MPPED2: variants seen among roughly 807,000 people sequenced by gnomAD.
MPPED2 encodes the protein metallophosphoesterase MPPED2.
A neutral mutation model predicts 33.0 loss-of-function variants in MPPED2; 5 were observed. That is an observed-to-expected ratio of 0.15 (90% CI 0.08 to 0.32). The LOEUF is 0.32. Ranked by LOEUF, MPPED2 falls within the 10% of genes least tolerant of loss-of-function variation. The pLI is 1.00. For synonymous variants in MPPED2, 136 were observed against 141.9 expected, an observed-to-expected ratio of 0.96 and a Z score of 0.29; for missense variants, 275 against 372.1, an observed-to-expected ratio of 0.74 and a Z score of 2.15.
chr11:30,399,194 C>T (rs1947877224), intron 6 of MPPED2, among the ~76,000 whole-genome samples: 1 of 151,516 alleles, frequency 6.6e-6, no homozygotes, highest in African/African-American at 2.4e-5. Context: ...TTGTGAAGAC[C>T]TAATCACCTT....
intron 3 of MPPED2, among the ~76,000 whole-genome samples, chr11:30,502,260 G>T (rs1213157412): frequency 1.3e-5 from 2 of 152,140 alleles, no homozygotes; most frequent in Admixed American, 6.5e-5. Context: ...GATAAAGTTT[G>T]ACTTAAGGCC....
At chr11:30,493,370 CAAAA>C (rs751635120) in intron 4 of MPPED2, among the ~76,000 whole-genome samples, 4 of 72,168 alleles carry the variant, frequency 5.5e-5, no homozygotes, top group Non-Finnish European at 6.0e-5. Context: ...GACTCCGTCT[CAAAA>C]AAAAAAAAAA....
chr11:30,440,519 C>A (rs1036689788), intron 4 of MPPED2, among the ~76,000 whole-genome samples: 1 of 152,146 alleles, frequency 6.6e-6, no homozygotes, highest in African/African-American at 2.4e-5. Context: ...CTGTTCTGGA[C>A]TCTGGAGCAC....
chr11:30,395,455 T>C (rs1232124399), intron 6 of MPPED2, among the ~76,000 whole-genome samples: 1 of 152,164 alleles, frequency 6.6e-6, no homozygotes, highest in Non-Finnish European at 1.5e-5. Flanking sequence ...TACTACACAA[T>C]GGTTCATGTC....
At chr11:30,560,312 TAA>T (rs569768584) in intron 2 of MPPED2, among the ~76,000 whole-genome samples, 2 of 149,484 alleles carry the variant, frequency 1.3e-5, no homozygotes, top group African/African-American at 4.9e-5. Flanking sequence ...GTTTTTTTTT[TAA>T]AAAAAAAAAA....
At chr11:30,506,254 G>T (rs1214703898) in intron 3 of MPPED2, among the ~76,000 whole-genome samples, 1 of 152,064 alleles carries the variant, frequency 6.6e-6, no homozygotes, top group African/African-American at 2.4e-5. Context: ...GGCCAGGCTG[G>T]TTTCAAACTC....
intron 4 of MPPED2, among the ~76,000 whole-genome samples, chr11:30,454,330 C>A (rs1590336393): frequency 6.6e-6 from 1 of 152,072 alleles, no homozygotes; most frequent in African/African-American, 2.4e-5. Context: ...AATAGCCGGG[C>A]TACAGCCATA....
Position 30,533,303 on chromosome 11 carries a change from T to C in MPPED2, c.310+2691A>G, listed in dbSNP as rs16920886. Among the ~76,000 whole-genome samples, 1,000 of 152,170 alleles carry C rather than the reference T, an allele frequency of 6.6e-3. 3 individuals carry two copies. Among genetic ancestry groups the C allele is most frequent in the Non-Finnish European group, 8.8e-3 (595 of 67,986 alleles). ...TATAGAGGGAGTGCCTGGCCTATAG[T>C]AGAAACAACTTAGCTCAGAGACAGA... On this transcript the variant is annotated intron_variant, in intron 3 of 6. Coordinates refer to ENST00000358117, the MANE Select transcript of MPPED2 (RefSeq NM_001584.3).
chr11:30,416,137 G>C (rs1294723819), intron 5 of MPPED2, among the ~76,000 whole-genome samples: 2 of 152,262 alleles, frequency 1.3e-5, no homozygotes, highest in Non-Finnish European at 1.5e-5. Context: ...TAAAACATGG[G>C]TTGAGGTGGT....
At chr11:30,448,686 T>C (rs1381514572) in intron 4 of MPPED2, among the ~76,000 whole-genome samples, 1 of 152,134 alleles carries the variant, frequency 6.6e-6, no homozygotes, top group Non-Finnish European at 1.5e-5. Flanking sequence ...CCCACTATTT[T>C]TTTTTTTTGA....
chr11:30,559,862 T>C (rs560337845), intron 2 of MPPED2, among the ~76,000 whole-genome samples: 1 of 152,166 alleles, frequency 6.6e-6, no homozygotes, highest in African/African-American at 2.4e-5. Context: ...TATTTCCTTT[T>C]TGAAAATAGT....
At chr11:30,394,734 C>T (rs1209244751) in intron 6 of MPPED2, among the ~76,000 whole-genome samples, 1 of 152,136 alleles carries the variant, frequency 6.6e-6, no homozygotes. Flanking sequence ...GCATACTTCA[C>T]AGAGCAAGTT....
In MPPED2 at chr11:30,495,633, T is replaced by C. The variant is rs1326866703; in HGVS notation, c.311-112A>G. 10 of 702,018 alleles carry C rather than the reference T, an allele frequency of 1.4e-5. No individual in the cohort carries two copies. In the East Asian group the frequency reaches 2.7e-4, roughly 19 times the overall value. 43.5% of individuals were successfully genotyped at this position (702,018 alleles called of 1,614,324 possible). A position where few individuals can be genotyped will look rare whatever the true frequency, so the allele number is the denominator to read the frequency against. On this transcript the variant is annotated intron_variant, in intron 3 of 6. Transcript: ENST00000358117. ...TCACCCAAATGAAATAGCTCGCAAA[T>C]TCCTTTACATTTCCATGTGAACTGG...
chr11:30,585,486 G>A lies in MPPED2; in HGVS notation c.-122+556C>T, dbSNP rs945159859. Among the ~76,000 whole-genome samples the A allele has an allele frequency of 8.5e-5, 13 of 152,200 alleles. No homozygotes were observed. The East Asian group carries it at 2.0e-3, about 23-fold the overall frequency. On this transcript the variant is annotated intron_variant, in intron 1 of 6. Coordinates refer to ENST00000358117, the MANE Select transcript of MPPED2 (RefSeq NM_001584.3). ...GGCCTCGGGCCGCCGCGGGAGCCCGGGGATCGGGCCAACACAATGCACCCA... is the reference window on the plus strand; with the variant it reads ...GGCCTCGGGCCGCCGCGGGAGCCCGAGGATCGGGCCAACACAATGCACCCA...
chr11:30,491,940 G>A (rs1479087092), intron 4 of MPPED2, among the ~76,000 whole-genome samples: 1 of 152,108 alleles, frequency 6.6e-6, no homozygotes. Context: ...ATCATTTAAA[G>A]ATCTCCCTCA....
At chr11:30,427,487 A>C (rs1565057124) in intron 4 of MPPED2, among the ~76,000 whole-genome samples, 2 of 152,236 alleles carry the variant, frequency 1.3e-5, no homozygotes, top group Non-Finnish European at 2.9e-5. Context: ...TGATAAGTGG[A>C]CAATAAAATA....
At chr11:30,485,965 C>G (rs1391798451) in intron 4 of MPPED2, among the ~76,000 whole-genome samples, 1 of 152,180 alleles carries the variant, frequency 6.6e-6, no homozygotes, top group Non-Finnish European at 1.5e-5. Context: ...TGGCAGCATG[C>G]AGGCTCATCA....
intron 2 of MPPED2, among the ~76,000 whole-genome samples, chr11:30,569,447 T>C (rs764954940): frequency 2.0e-5 from 3 of 152,230 alleles, no homozygotes; most frequent in Non-Finnish European, 4.4e-5. Flanking sequence ...CTCACCATTC[T>C]TCTCTCTAAG....
chr11:30,579,190 G>A (rs1164179378), intron 2 of MPPED2, among the ~76,000 whole-genome samples: 2 of 151,150 alleles, frequency 1.3e-5, no homozygotes, highest in East Asian at 1.9e-4. Context: ...ATTCCAGGGT[G>A]GGGGGGTGTG....
Sources: allele counts gnomAD v4.1 joint callset (sites outside exome capture counted in the v4.1 genomes callset), GRCh38; gene constraint gnomAD v4.1.1; transcripts MANE v1.5; gene names NCBI Gene and HGNC (gene_info 2026-07-23, HGNC 2026-07-21).